MED27: variants seen among roughly 807,000 people sequenced by gnomAD.
MED27 encodes mediator of RNA polymerase II transcription subunit 27.
Under a neutral mutation model 38.2 loss-of-function variants are expected in MED27, and 30 were observed. That is an observed-to-expected ratio of 0.79 (90% confidence interval 0.59 to 1.07). The LOEUF (loss-of-function observed/expected upper bound fraction) is 1.07. MED27 is among the 50% of genes least tolerant of loss of function. The probability of loss-of-function intolerance (pLI) is 0.00; values close to 1 mark genes in which losing one functional copy is unlikely to be tolerated. For synonymous variants in MED27, 122 were observed against 153.5 expected, an observed-to-expected ratio of 0.79 and a Z score of 1.52; for missense variants, 289 against 397.5, an observed-to-expected ratio of 0.73 and a Z score of 2.32.
intron 1 of MED27, 152 bp from the exon 2 acceptor site, chr9:132,077,738 A>G (rs1308979878): frequency 2.0e-5 from 14 of 713,014 alleles, no homozygotes; most frequent in Non-Finnish European, 2.7e-5. Context: ...TACTTGGGAC[A>G]CTTAAAAAAA....
chr9:132,005,094 T>C (rs1411327500), intron 3 of MED27, among the ~76,000 whole-genome samples: 1 of 152,176 alleles, frequency 6.6e-6, no homozygotes, highest in Non-Finnish European at 1.5e-5. Context: ...GACACTTTCC[T>C]CTTCTACCTG....
rs763522590 is a variant in MED27, at chr9:131,997,576, CA to C, written c.479+16760del. 7.9e-5 allele frequency among the ~76,000 whole-genome samples: 12 copies of C among 152,366 alleles called. No individual in the cohort carries two copies. Among genetic ancestry groups the C allele is most frequent in the Admixed American group, 4.6e-4 (7 of 15,306 alleles). Reference sequence around the variant, plus strand: ...CTCCCCCAGCAGTCCTGCTTCCTCCCACTTTCTTTCACAGGGGGTGATCCCT... The same window carrying C: ...CTCCCCCAGCAGTCCTGCTTCCTCCCCTTTCTTTCACAGGGGGTGATCCCT... On this transcript the variant is annotated intron_variant, in intron 3 of 7. Coordinates refer to ENST00000292035, the MANE Select transcript of MED27 (RefSeq NM_004269.4). The surrounding 1 kb of genome is among the most constrained non-coding windows in gnomAD (Gnocchi z 4.0).
At chr9:131,957,974 G>GT (rs1831139449) in intron 3 of MED27, among the ~76,000 whole-genome samples, 1 of 151,930 alleles carries the variant, frequency 6.6e-6, no homozygotes, top group Non-Finnish European at 1.5e-5. Flanking sequence ...TCTGCCTGGA[G>GT]TGCAGACTGG....
At chr9:131,973,519 G>A (rs12377592) in intron 3 of MED27, among the ~76,000 whole-genome samples, 29,702 of 143,864 alleles carry the variant, frequency 0.21, 3,548 homozygotes, top group African/African-American at 0.33. Flanking sequence ...GTGCAGTAGC[G>A]CGATCTCGGC....
intron 4 of MED27, among the ~76,000 whole-genome samples, chr9:131,923,750 C>T (rs183765172): frequency 3.9e-4 from 60 of 152,318 alleles, no homozygotes; most frequent in Non-Finnish European, 5.7e-4. Context: ...TTCCCATCTA[C>T]CCACCCATAA....
chr9:132,041,384 G>T (rs979876999), intron 2 of MED27, among the ~76,000 whole-genome samples: 1 of 152,184 alleles, frequency 6.6e-6, no homozygotes, highest in Non-Finnish European at 1.5e-5. Flanking sequence ...CTGTGATTTG[G>T]GTGCAAGGAA....
chr9:131,915,441 T>C (rs955616422), intron 4 of MED27, among the ~76,000 whole-genome samples: 2 of 152,126 alleles, frequency 1.3e-5, no homozygotes, highest in African/African-American at 2.4e-5. Context: ...ACTGTCACCA[T>C]GGAATCCTAA....
intron 3 of MED27, among the ~76,000 whole-genome samples, chr9:131,959,591 C>T (rs1589234692): frequency 6.6e-6 from 1 of 152,186 alleles, no homozygotes; most frequent in Non-Finnish European, 1.5e-5. Flanking sequence ...AAGGTAATCT[C>T]TAAGGGTCCT....
At chr9:132,078,204 C>A (rs993933342) in intron 1 of MED27, among the ~76,000 whole-genome samples, 26 of 152,250 alleles carry the variant, frequency 1.7e-4, no homozygotes, top group African/African-American at 2.9e-4. Flanking sequence ...GAGCACATTC[C>A]AGGAGTACGT....
intron 2 of MED27, among the ~76,000 whole-genome samples, chr9:132,038,912 C>G (rs951753082): frequency 6.6e-6 from 1 of 152,152 alleles, no homozygotes; most frequent in Non-Finnish European, 1.5e-5. Flanking sequence ...CCTAACTGTC[C>G]TTGCTAAATG....
In MED27 at chr9:131,969,433, TG is replaced by T. The variant is rs1251120103; in HGVS notation, c.480-29960del. On this transcript the variant is annotated intron_variant, in intron 3 of 7. Coordinates refer to ENST00000292035, the MANE Select transcript of MED27 (RefSeq NM_004269.4). ...AACATCTTCAATGGAGGTTTCTTCT[TG>T]CATTTTGTACATTAAGTGCTCTCGT... 4.6e-5 allele frequency among the ~76,000 whole-genome samples: 7 copies of T among 152,294 alleles called. No homozygotes were observed. The East Asian group carries it at 1.3e-3, about 29-fold the overall frequency.
At chr9:132,040,825 T>C (rs1324036104) in intron 2 of MED27, among the ~76,000 whole-genome samples, 1 of 152,200 alleles carries the variant, frequency 6.6e-6, no homozygotes, top group Non-Finnish European at 1.5e-5. Context: ...ACGGTTTGAT[T>C]TCCTCCCATA....
At chr9:131,970,202 C>T (rs924985998) in intron 3 of MED27, among the ~76,000 whole-genome samples, 6 of 152,230 alleles carry the variant, frequency 3.9e-5, no homozygotes, top group Non-Finnish European at 5.9e-5. Flanking sequence ...AACCACCCAG[C>T]GAACCTCCAC....
intron 2 of MED27, among the ~76,000 whole-genome samples, chr9:132,061,261 A>T (rs1022804344): frequency 1.8e-4 from 28 of 152,232 alleles, no homozygotes; most frequent in African/African-American, 6.3e-4. Flanking sequence ...TTCACAGCAC[A>T]TGCCTGCAGG....
rs559922218 is a variant in MED27 at position 131,994,835 on chromosome 9, T to C, written c.479+19502A>G. On this transcript the variant is annotated intron_variant, in intron 3 of 7. Coordinates refer to ENST00000292035, the MANE Select transcript of MED27 (RefSeq NM_004269.4). ...CCAGTGGCCCTCCCCAGCTCATGCC[T>C]GTGGTTGCCTGGGGGAATCCTACAC... 3.3e-5 allele frequency among the ~76,000 whole-genome samples: 5 copies of C among 152,276 alleles called. No homozygotes were observed. In the South Asian group the frequency reaches 8.3e-4, roughly 25 times the overall value.
intron 2 of MED27, among the ~76,000 whole-genome samples, chr9:132,070,423 T>G (rs996082019): frequency 6.6e-6 from 1 of 152,134 alleles, no homozygotes; most frequent in Non-Finnish European, 1.5e-5. Flanking sequence ...TGGGCGTGGG[T>G]GTGCATGCTT....
chr9:131,865,743 G>A (rs1032936059), intron 6 of MED27, among the ~76,000 whole-genome samples: 3 of 152,238 alleles, frequency 2.0e-5, no homozygotes, highest in African/African-American at 7.2e-5. Context: ...TGTGCAGGCA[G>A]AGAGGCTTTG....
At chr9:131,943,523 T>G (rs1830825472) in intron 3 of MED27, among the ~76,000 whole-genome samples, 1 of 152,120 alleles carries the variant, frequency 6.6e-6, no homozygotes, top group South Asian at 2.1e-4. Context: ...GTAGGAACAG[T>G]GTGCTCCCCT....
rs149644705 is a variant in MED27, at chr9:131,982,084, C to A, written c.479+32253G>T. Among the ~76,000 whole-genome samples the A allele has an allele frequency of 6.6e-6, 1 of 152,352 alleles. No individual in the cohort carries two copies. Among genetic ancestry groups the A allele is most frequent in the East Asian group, 1.9e-4 (1 of 5,188 alleles). On this transcript the variant is annotated intron_variant, in intron 3 of 7. Coordinates refer to ENST00000292035, the MANE Select transcript of MED27 (RefSeq NM_004269.4). This position sits in a 1 kb window ranked among gnomAD's most constrained non-coding sequence, Gnocchi z 4.3. ...GTTGGTAGTCTGTTTCACTCATGGT[C>A]CCCGGTGGAACACTTCCCAGTATTT...
Sources: allele counts gnomAD v4.1 joint callset (sites outside exome capture counted in the v4.1 genomes callset), GRCh38; gene constraint gnomAD v4.1.1; non-coding constraint Gnocchi (gnomAD v3.1); transcripts MANE v1.5; gene names NCBI Gene and HGNC (gene_info 2026-07-23, HGNC 2026-07-21).